The following CEP128 variants were observed in gnomAD, a reference collection of about 807,000 sequenced individuals.
CEP128 encodes centrosomal protein 128, also known as centrosomal protein 128kDa.
Under a neutral mutation model 156.7 loss-of-function variants are expected in CEP128, and 132 were observed. That is an observed-to-expected ratio of 0.84 (90% confidence interval 0.73 to 0.97). The LOEUF is 0.97. Among genes scored for constraint, CEP128 ranks in the 50% least tolerant of loss-of-function variants. CEP128 has a pLI of 0.00. For missense variants in CEP128, 1,252 were observed against 1,281.9 expected (o/e 0.98, Z 0.36); for synonymous variants, 469 against 448.9 (o/e 1.04, Z -0.57).
chr14:80,505,048 A>G (rs1281744687), intron 23 of CEP128, 28 bp from the exon 24 acceptor site: 13 of 1,208,022 alleles, frequency 1.1e-5, no homozygotes, highest in African/African-American at 3.0e-5. Flanking sequence ...CAGCATTTCA[A>G]TGATTACACA....
intron 2 of CEP128, chr14:80,955,811 T>G (rs1886639507): frequency 6.2e-7 from 1 of 1,614,198 alleles, no homozygotes; most frequent in Non-Finnish European, 8.5e-7. Flanking sequence ...TGCAAGGATA[T>G]TCAACGCATC....
At chr14:80,604,628 C>T (rs1487366873) in intron 19 of CEP128, among the ~76,000 whole-genome samples, 3 of 152,078 alleles carry the variant, frequency 2.0e-5, no homozygotes, top group Admixed American at 6.6e-5. Flanking sequence ...CAAACCATCC[C>T]GTGCCCAAAC....
chr14:80,802,991 T>C (rs765697496), intron 13 of CEP128, among the ~76,000 whole-genome samples: 1 of 152,154 alleles, frequency 6.6e-6, no homozygotes, highest in Non-Finnish European at 1.5e-5. Context: ...TTTGAAAGAC[T>C]GAAAAAGGAA....
intron 8 of CEP128, among the ~76,000 whole-genome samples, chr14:80,868,162 A>G (rs228122): frequency 0.49 from 74,754 of 151,900 alleles, 18,916 homozygotes; most frequent in African/African-American, 0.57. Flanking sequence ...GACAAAATGA[A>G]AGAATGCTAA....
chr14:80,487,186 C>T (rs547084991), downstream of CEP128, among the ~76,000 whole-genome samples: 3 of 151,788 alleles, frequency 2.0e-5, no homozygotes, highest in African/African-American at 4.8e-5. Flanking sequence ...GGAAGATCTA[C>T]CAAGCAAATG....
At chr14:80,778,277 G>GGTT (rs1227054251) in intron 15 of CEP128, among the ~76,000 whole-genome samples, 38 of 152,280 alleles carry the variant, frequency 2.5e-4, no homozygotes, top group African/African-American at 8.9e-4. Context: ...AGATGCTAAA[G>GGTT]ATAACAGATA....
At chr14:80,863,251 A>C (rs917000174) in intron 8 of CEP128, among the ~76,000 whole-genome samples, 15 of 152,210 alleles carry the variant, frequency 9.9e-5, no homozygotes, top group African/African-American at 3.6e-4. Flanking sequence ...TTAATGATAA[A>C]TTGTTCGACC....
intron 19 of CEP128, among the ~76,000 whole-genome samples, chr14:80,684,563 AAGG>A (rs558878140): frequency 7.9e-5 from 12 of 151,974 alleles, no homozygotes; most frequent in East Asian, 3.9e-4. Flanking sequence ...CTGAAAAATC[AAGG>A]AGGAGTAACT....
chr14:80,532,553 A>C (rs1187767880), intron 21 of CEP128, among the ~76,000 whole-genome samples: 1 of 152,162 alleles, frequency 6.6e-6, no homozygotes, highest in Non-Finnish European at 1.5e-5. Context: ...ATGGAGACAG[A>C]GGGCTGAGGG....
intron 22 of CEP128, among the ~76,000 whole-genome samples, chr14:80,530,538 C>G (rs952571211): frequency 6.6e-6 from 1 of 152,146 alleles, no homozygotes; most frequent in Non-Finnish European, 1.5e-5. Flanking sequence ...TTAGGCTTTT[C>G]TAAATTATCA....
chr14:80,943,682 G>A (rs1488877580), upstream of CEP128, among the ~76,000 whole-genome samples: 2 of 152,130 alleles, frequency 1.3e-5, no homozygotes, highest in Non-Finnish European at 2.9e-5. Context: ...GTCAACAGAC[G>A]TGGCATCCCA....
intron 13 of CEP128, among the ~76,000 whole-genome samples, chr14:80,801,530 C>T (rs1375086926): frequency 6.6e-6 from 1 of 151,886 alleles, no homozygotes; most frequent in Non-Finnish European, 1.5e-5. Flanking sequence ...AAAAAACAAA[C>T]AACCACATCA....
chr14:80,736,079 G>C (rs1455575585), intron 19 of CEP128, among the ~76,000 whole-genome samples: 1 of 151,970 alleles, frequency 6.6e-6, no homozygotes, highest in Non-Finnish European at 1.5e-5. Context: ...AGGAGGGAGG[G>C]AATAGGCAGG....
chr14:80,591,516 G>A (rs1455677351), intron 19 of CEP128, among the ~76,000 whole-genome samples: 1 of 152,108 alleles, frequency 6.6e-6, no homozygotes, highest in Admixed American at 6.5e-5. Flanking sequence ...CAAATTCTTA[G>A]AGACCTACAA....
chr14:80,710,272 C>G (rs1897355574), intron 19 of CEP128, among the ~76,000 whole-genome samples: 1 of 151,884 alleles, frequency 6.6e-6, no homozygotes, highest in African/African-American at 2.4e-5. Context: ...GATAAGAGAT[C>G]TTATTGACTG....
At chr14:80,863,888 C>T (rs1186973246) in intron 8 of CEP128, among the ~76,000 whole-genome samples, 1 of 152,074 alleles carries the variant, frequency 6.6e-6, no homozygotes, top group Admixed American at 6.5e-5. Context: ...ATAGCTCAAT[C>T]AAGTTTTAAA....
chr14:80,655,939 T>C (rs369693477), intron 19 of CEP128, among the ~76,000 whole-genome samples: 2 of 151,866 alleles, frequency 1.3e-5, no homozygotes. Context: ...ATAGTTTGAG[T>C]TTATCTTCTT....
At chr14:80,772,941 C>G (rs117223213) in intron 16 of CEP128, among the ~76,000 whole-genome samples, 1 of 152,152 alleles carries the variant, frequency 6.6e-6, no homozygotes, top group East Asian at 1.9e-4. Context: ...AAACTCCTGA[C>G]GAACTTGCAA....
chr14:80,800,897 C>G (rs901461071), intron 13 of CEP128, among the ~76,000 whole-genome samples: 2 of 152,242 alleles, frequency 1.3e-5, no homozygotes, highest in Admixed American at 1.3e-4. Context: ...AGAGAAACTA[C>G]TCTGTTCAGC....
Sources: allele counts gnomAD v4.1 joint callset (sites outside exome capture counted in the v4.1 genomes callset), GRCh38; gene constraint gnomAD v4.1.1; transcripts MANE v1.5; gene names NCBI Gene and HGNC (gene_info 2026-07-23, HGNC 2026-07-21).